The following SLFN12L variants were observed in gnomAD, a reference collection of about 807,000 sequenced individuals.
SLFN12L encodes schlafen family member 12-like.
In SLFN12L, 34 loss-of-function variants were observed where a neutral mutation model predicts 34.8. The ratio of observed to expected loss-of-function variants is 0.98; its 90% CI spans 0.74 to 1.30. SLFN12L has a LOEUF of 1.30. Ranked by LOEUF, SLFN12L falls within the 50% of genes most tolerant of loss-of-function variation. The pLI is 0.00. For synonymous variants in SLFN12L, 259 were observed against 247.5 expected, an observed-to-expected ratio of 1.05 and a Z score of -0.44; for missense variants, 703 against 696.2, an observed-to-expected ratio of 1.01 and a Z score of -0.11.
chr17:35,530,269 C>G (rs1011697128), intron 1 of SLFN12L, among the ~76,000 whole-genome samples: 14 of 148,474 alleles, frequency 9.4e-5, no homozygotes, highest in Admixed American at 8.9e-4. Context: ...ATCACTTGAA[C>G]CCGGGAGGCG....
intron 2 of SLFN12L, chr17:35,487,689 GC>G (rs1218507509): frequency 6.6e-7 from 1 of 1,518,544 alleles, no homozygotes; most frequent in Non-Finnish European, 8.8e-7. Context: ...ATTTTCTAAG[GC>G]GAAAAAAAAG....
chr17:35,502,294 T>G (rs73281458), intron 2 of SLFN12L, among the ~76,000 whole-genome samples: 2,178 of 152,148 alleles, frequency 0.014, 69 homozygotes, highest in African/African-American at 0.05. Context: ...CTGTAACCTA[T>G]GGATGGCCCA....
Position 35,524,393 on chromosome 17 carries a change from T to A in SLFN12L, c.-605-1424A>T, listed in dbSNP as rs116797365. ...GCTTGCTAAGGGTCAGATGGCCTCC[T>A]CAAGTGGGTCCCTGGCCCATGTGTA... On this transcript the variant is annotated intron_variant, in intron 1 of 4. Transcript: ENST00000628453. Among the ~76,000 whole-genome samples the A allele has an allele frequency of 4.1e-3, 627 of 152,336 alleles. 5 individuals carry two copies. The highest frequency in any genetic ancestry group is 0.015 in the African/African-American group (604 of 41,588).
chr17:35,464,908 GCT>G lies in SLFN12L; in HGVS notation c.*10013_*10014del, dbSNP rs1285630844. Among the ~76,000 whole-genome samples, 1 of 152,068 alleles carries G rather than the reference GCT, an allele frequency of 6.6e-6. No individual in the cohort carries two copies. The highest frequency in any genetic ancestry group is 1.5e-5 in the Non-Finnish European group (1 of 68,010). On this transcript the variant is annotated 3_prime_UTR_variant, in exon 5 of 5. Transcript: ENST00000628453. Reference sequence around the variant, plus strand: ...TTTTTTTAGAGAGAGATAAAGTCTTGCTCTGTCACCCAGGCTGGAGTGCGGTG... The same window carrying G: ...TTTTTTTAGAGAGAGATAAAGTCTTGCTGTCACCCAGGCTGGAGTGCGGTG...
chr17:35,525,862 A>C (rs548119660), intron 1 of SLFN12L, among the ~76,000 whole-genome samples: 269 of 152,356 alleles, frequency 1.8e-3, no homozygotes, highest in African/African-American at 6.3e-3. Context: ...TAACAATATT[A>C]ACCTTAAATG....
intron 2 of SLFN12L, chr17:35,490,143 C>T: frequency 1.9e-6 from 3 of 1,606,574 alleles, no homozygotes; most frequent in Non-Finnish European, 2.5e-6. Flanking sequence ...TACACCACGC[C>T]GCAGGGACCC....
intron 1 of SLFN12L, among the ~76,000 whole-genome samples, chr17:35,523,505 A>G (rs887754822): frequency 6.6e-6 from 1 of 152,208 alleles, no homozygotes; most frequent in Non-Finnish European, 1.5e-5. Context: ...CCTTGAAGCT[A>G]TCTCTCCTGA....
chr17:35,527,433 A>G (rs2072348718), intron 1 of SLFN12L, among the ~76,000 whole-genome samples: 1 of 152,004 alleles, frequency 6.6e-6, no homozygotes, highest in Non-Finnish European at 1.5e-5. Context: ...TTTGATGAAC[A>G]TCAATGCAAA....
Position 35,474,687 on chromosome 17 carries a change from CG to C in SLFN12L, c.*235del, listed in dbSNP as rs758831720. On this transcript the variant is annotated 3_prime_UTR_variant, in exon 5 of 5. Transcript: ENST00000628453. ...CTGTACTCCTAGCACTTTGGGAGAC[CG>C]GGGGGGGGGGTTGAATCACGAGGTC... 38,166 of 254,166 alleles carry C rather than the reference CG, an allele frequency of 0.15. 31 individuals are homozygous for C. The highest frequency in any genetic ancestry group is 0.17 in the Non-Finnish European group (24,371 of 143,316). 15.7% of individuals were successfully genotyped at this position (254,166 alleles called of 1,614,324 possible).
rs1913901677 is a variant in SLFN12L at position 35,474,888 on chromosome 17, G to GTC, written c.*33_*34dup. 1 of 1,501,564 alleles carries GTC rather than the reference G, an allele frequency of 6.7e-7. No homozygotes were observed. Among genetic ancestry groups the GTC allele is most frequent in the Admixed American group, 2.2e-5 (1 of 45,672 alleles). The allele number at this position is 1,501,564 out of a possible 1,614,324, so 93.0% of individuals were successfully genotyped here. Reference sequence around the variant, plus strand: ...AGAGGTTGCAGTGAGTCGAGATCGTGTCACTACACTCCAGTCTGGGTGACA... The same window carrying GTC: ...AGAGGTTGCAGTGAGTCGAGATCGTGTCTCACTACACTCCAGTCTGGGTGACA... On this transcript the variant is annotated 3_prime_UTR_variant, in exon 5 of 5. Coordinates refer to ENST00000628453, the MANE Select transcript of SLFN12L (RefSeq NM_001363830.2).
chr17:35,499,189 C>T (rs920754603), intron 2 of SLFN12L: 14 of 946,772 alleles, frequency 1.5e-5, no homozygotes, highest in Non-Finnish European at 2.1e-5. Flanking sequence ...GTGTGAATAC[C>T]GTTTTTTCTT....
chr17:35,480,189 T>C lies in SLFN12L; in HGVS notation c.93A>G (p.Glu31=). The change falls in exon 3 of 5, where the codon GAA becomes GAG. Residue 31 remains glutamate, a synonymous_variant. Coordinates refer to ENST00000628453, the MANE Select transcript of SLFN12L (RefSeq NM_001363830.2). ...CAGCTAAGCCATTTCCACGCAGAAA[T>C]TCTTTTCTGTAAAATAGAGCCGTTA... ...SQFLRNFIRK[E]FLRGNGLAAG... 7.0e-6 allele frequency: 11 copies of C among 1,577,886 alleles called. No homozygotes were observed. The highest frequency in any genetic ancestry group is 9.5e-6 in the Non-Finnish European group (11 of 1,163,132).
Position 35,467,827 on chromosome 17 carries a change from C to A in SLFN12L, c.*7096G>T, listed in dbSNP as rs1452278812. ...TTCAACCATGAAGCAAGCAAGCAAG[C>A]AAGCAAAAACCAAAACTCTGTCAAA... On this transcript the variant is annotated 3_prime_UTR_variant, in exon 5 of 5. Transcript: ENST00000628453. Among the ~76,000 whole-genome samples the A allele has an allele frequency of 6.6e-6, 1 of 152,180 alleles. No homozygotes were observed. The highest frequency in any genetic ancestry group is 1.5e-5 in the Non-Finnish European group (1 of 68,032).
chr17:35,505,474 C>T (rs543909269), intron 2 of SLFN12L, among the ~76,000 whole-genome samples: 9 of 152,326 alleles, frequency 5.9e-5, no homozygotes, highest in South Asian at 4.1e-4. Context: ...AGGCCCCCCA[C>T]GCTATGGTGA....
chr17:35,491,607 G>T (rs1369213480), intron 2 of SLFN12L, among the ~76,000 whole-genome samples: 5 of 152,208 alleles, frequency 3.3e-5, no homozygotes, highest in Non-Finnish European at 5.9e-5. Context: ...ATGGGGTCTG[G>T]CCACCTGGCC....
chr17:35,518,060 A>T (rs1915886443), intron 2 of SLFN12L, among the ~76,000 whole-genome samples: 1 of 152,222 alleles, frequency 6.6e-6, no homozygotes, highest in South Asian at 2.1e-4. Flanking sequence ...TAATCAAACT[A>T]AAGAGCTTCT....
At chr17:35,488,901 C>T (rs1374995862) in intron 2 of SLFN12L, among the ~76,000 whole-genome samples, 3 of 152,034 alleles carry the variant, frequency 2.0e-5, no homozygotes, top group Non-Finnish European at 2.9e-5. Flanking sequence ...GAAATCCCGT[C>T]TCTACTAAAA....
chr17:35,488,285 T>A (rs1914688445), intron 2 of SLFN12L, among the ~76,000 whole-genome samples: 1 of 152,238 alleles, frequency 6.6e-6, no homozygotes, highest in Non-Finnish European at 1.5e-5. Context: ...GCAGCCCTGC[T>A]GTCCCCTTGC....
Position 35,522,790 on chromosome 17 carries a change from C to A in SLFN12L, c.-426G>T. On this transcript the variant is annotated 5_prime_UTR_variant, in exon 2 of 5. Coordinates refer to ENST00000628453, the MANE Select transcript of SLFN12L (RefSeq NM_001363830.2). ...CTGTTCTATGCTATCAGCAGAGCAT[C>A]ACAGATGACTCCTGGCTTCTCCTGC... 1 of 1,553,594 alleles carries A rather than the reference C, an allele frequency of 6.4e-7. No homozygotes were observed. Among genetic ancestry groups the A allele is most frequent in the Non-Finnish European group, 8.9e-7 (1 of 1,129,782 alleles).
Sources: gnomAD v4.1 joint callset for allele counts (sites outside exome capture counted in the v4.1 genomes callset) on GRCh38, gnomAD v4.1.1 for gene constraint, MANE v1.5 for transcripts, NCBI Gene and HGNC (gene_info 2026-07-23, HGNC 2026-07-21) for gene names.